The following CARS2 variants were observed in gnomAD, a reference collection of about 807,000 sequenced individuals.
CARS2 encodes cysteinyl-tRNA synthetase 2, mitochondrial, also known as probable cysteine--tRNA ligase, mitochondrial.
CARS2 carries 52 observed loss-of-function variants against 68.8 expected under a neutral mutation model. That is an observed-to-expected ratio of 0.76 (90% CI 0.61 to 0.95). CARS2 has a LOEUF of 0.95. CARS2 is among the 40% of genes least tolerant of loss of function. The probability of loss-of-function intolerance (pLI) is 0.00; values close to 1 mark genes in which losing one functional copy is unlikely to be tolerated. For missense variants in CARS2, 780 were observed against 754.2 expected, an observed-to-expected ratio of 1.03 and a Z score of -0.40; for synonymous variants, 314 against 303.6, an observed-to-expected ratio of 1.03 and a Z score of -0.36.
chr13:110,676,929 A>C lies in CARS2; in HGVS notation c.785+45T>G. ...TCCTCTGCTGCCCTGAGCAGGCACC[A>C]GGGGAACTTGAGCCCCAACCCCCAG... On this transcript the variant is annotated intron_variant, in intron 7 of 14. Coordinates refer to ENST00000257347, the MANE Select transcript of CARS2 (RefSeq NM_024537.4). The surrounding 1 kb of genome is among the most constrained non-coding windows in gnomAD (Gnocchi z 4.0). 1 of 1,492,182 alleles carries C rather than the reference A, an allele frequency of 6.7e-7. No homozygotes were observed. Among genetic ancestry groups the C allele is most frequent in the Non-Finnish European group, 9.0e-7 (1 of 1,115,648 alleles). 92.4% of individuals were successfully genotyped at this position (1,492,182 alleles called of 1,614,324 possible). A position where few individuals can be genotyped will look rare whatever the true frequency, so the allele number is the denominator to read the frequency against.
At chr13:110,649,236 C>G (rs1159720727) in intron 10 of CARS2, 1 of 152,264 alleles carries the variant, frequency 6.6e-6, no homozygotes, top group Non-Finnish European at 1.5e-5. Flanking sequence ...GAGCGCAGGT[C>G]CCCTGGGCCG....
rs201240343 is a variant in CARS2 at position 110,705,541 on chromosome 13, A to G, written c.255T>C (p.His85=). ...WYSCGPTVYD[H]AHLGHACSYV... ...CTCACCAAGCATGGCCAAGGTGCGC[A>G]TGATCATATACAGTTGGTCCACAGC... Residue 85 remains histidine (H), a synonymous_variant, in exon 2 of 15, where the codon CAT becomes CAC. Coordinates refer to ENST00000257347, the MANE Select transcript of CARS2 (RefSeq NM_024537.4). This position sits in a 1 kb window ranked among gnomAD's most constrained non-coding sequence, Gnocchi z 4.0. 3 of 1,610,444 alleles carry G rather than the reference A, an allele frequency of 1.9e-6. No homozygotes were observed. Among genetic ancestry groups the G allele is most frequent in the Non-Finnish European group, 2.5e-6 (3 of 1,178,218 alleles).
intron 8 of CARS2, 107 bp from the exon 9 acceptor site, chr13:110,663,625 G>A (rs1278157297): frequency 6.0e-6 from 9 of 1,507,042 alleles, no homozygotes; most frequent in Middle Eastern, 2.1e-4. Context: ...CATATCCAAT[G>A]TATAGACCAG....
upstream of CARS2, among the ~76,000 whole-genome samples, chr13:110,706,771 ACAC>A (rs2139951171): frequency 6.8e-6 from 1 of 146,230 alleles, no homozygotes; most frequent in South Asian, 2.2e-4. Flanking sequence ...ACCCCAGCAC[ACAC>A]ATCAGCATCC....
intron 10 of CARS2, 58 bp from the exon 11 acceptor site, chr13:110,647,297 G>A: frequency 6.4e-7 from 1 of 1,573,398 alleles, no homozygotes; most frequent in African/African-American, 1.3e-5. Context: ...CCCTGCCCTG[G>A]TCCAGCAGAA....
chr13:110,694,243 C>T (rs1400148907), intron 3 of CARS2, among the ~76,000 whole-genome samples: 1 of 150,156 alleles, frequency 6.7e-6, no homozygotes, highest in Non-Finnish European at 1.5e-5. Context: ...TTAGGCTGGT[C>T]TCAAACTCCT....
chr13:110,690,171 T>C (rs1368960027), intron 3 of CARS2, among the ~76,000 whole-genome samples: 1 of 152,098 alleles, frequency 6.6e-6, no homozygotes, highest in East Asian at 1.9e-4. Context: ...GAGGTTGCAG[T>C]GAGCCAACAC....
intron 13 of CARS2, chr13:110,642,840 C>T (rs774355646): frequency 9.2e-5 from 56 of 611,602 alleles, no homozygotes; most frequent in South Asian, 8.0e-4. Context: ...CCAGACCTCA[C>T]GCAATTGTGG....
chr13:110,708,570 T>C (rs925514864), upstream of CARS2, among the ~76,000 whole-genome samples: 2 of 148,230 alleles, frequency 1.3e-5, no homozygotes, highest in African/African-American at 2.6e-5. Flanking sequence ...TTCTATTATG[T>C]TTTCTTTTTT....
intron 3 of CARS2, among the ~76,000 whole-genome samples, chr13:110,693,729 G>A (rs767544707): frequency 1.2e-4 from 19 of 152,178 alleles, no homozygotes; most frequent in South Asian, 1.0e-3. Flanking sequence ...TCCTCATACC[G>A]GGGTAGTGCT....
At chr13:110,706,878 C>G (rs1362833404), upstream of CARS2, among the ~76,000 whole-genome samples, 1 of 151,176 alleles carries the variant, frequency 6.6e-6, no homozygotes, top group African/African-American at 2.4e-5. Flanking sequence ...CATCCCAACA[C>G]AGTGCACCCC....
intron 6 of CARS2, among the ~76,000 whole-genome samples, chr13:110,682,282 G>A (rs1406246122): frequency 6.6e-6 from 1 of 152,234 alleles, no homozygotes; most frequent in Non-Finnish European, 1.5e-5. Context: ...CTCCACATGT[G>A]TAAGCAAAGC....
rs528927750 is a variant in CARS2 at position 110,683,079 on chromosome 13, G to A, written c.627C>T (p.Gly209=). The change falls in exon 6 of 15, where the codon GGC becomes GGT. Residue 209 remains glycine, a synonymous_variant. Transcript: ENST00000257347. The part of the protein sequence containing the change: ...SRGDKYGKLV[G]VVPGPVGEPA... ...GCTCTCCGACTGGACCAGGGACCAC[G>A]CCGACCAATTTGCCATACTTGTCTC... is the stretch of plus-strand genomic sequence containing the variant. 8 of 1,601,846 alleles carry A rather than the reference G, an allele frequency of 5.0e-6. No individual in the cohort carries two copies. In the East Asian group the frequency reaches 1.4e-4, roughly 28 times the overall value.
At chr13:110,696,900 C>T (rs1414980215) in intron 3 of CARS2, among the ~76,000 whole-genome samples, 3 of 152,202 alleles carry the variant, frequency 2.0e-5, no homozygotes, top group Admixed American at 6.5e-5. Flanking sequence ...CTGATGGCAA[C>T]GTTCCTGCCC....
intron 3 of CARS2, among the ~76,000 whole-genome samples, chr13:110,690,456 T>A (rs756324882): frequency 3.3e-5 from 5 of 152,146 alleles, no homozygotes; most frequent in African/African-American, 4.8e-5. Flanking sequence ...CATTCCACAC[T>A]CTGCTCTGTG....
At chr13:110,710,325 T>G (rs1161539586), upstream of CARS2, among the ~76,000 whole-genome samples, 1 of 152,176 alleles carries the variant, frequency 6.6e-6, no homozygotes, top group African/African-American at 2.4e-5. Context: ...GAGGTTGCAG[T>G]GAGCTGAGAT....
chr13:110,653,814 AATG>A lies in CARS2; in HGVS notation c.988-2717_988-2715del, dbSNP rs1478645545. On this transcript the variant is annotated intron_variant, in intron 9 of 14. Coordinates refer to ENST00000257347, the MANE Select transcript of CARS2 (RefSeq NM_024537.4). The surrounding 1 kb of genome is among the most constrained non-coding windows in gnomAD (Gnocchi z 5.6). Reference sequence around the variant, plus strand: ...CTTCTTCATTACACAGTATTCTGACAATGATGTGAAAACTCTTGAATACTGTGG... The same window carrying A: ...CTTCTTCATTACACAGTATTCTGACAATGTGAAAACTCTTGAATACTGTGG... 6.6e-6 allele frequency among the ~76,000 whole-genome samples: 1 copy of A among 152,234 alleles called. No homozygotes were observed. The highest frequency in any genetic ancestry group is 1.5e-5 in the Non-Finnish European group (1 of 68,028).
chr13:110,676,837 G>A lies in CARS2; in HGVS notation c.785+137C>T. Reference sequence around the variant, plus strand: ...CCGTTCCATGGCCCGTCACACTCCGGCAAAAATCTCTTCCCAAAAAATCAC... The same window carrying A: ...CCGTTCCATGGCCCGTCACACTCCGACAAAAATCTCTTCCCAAAAAATCAC... On this transcript the variant is annotated intron_variant, in intron 7 of 14. Coordinates refer to ENST00000257347, the MANE Select transcript of CARS2 (RefSeq NM_024537.4). The surrounding 1 kb of genome is among the most constrained non-coding windows in gnomAD (Gnocchi z 4.0). 4 of 1,181,008 alleles carry A rather than the reference G, an allele frequency of 3.4e-6. No individual in the cohort carries two copies. The highest frequency in any genetic ancestry group is 1.1e-6 in the Non-Finnish European group (1 of 873,434). 73.2% of individuals were successfully genotyped at this position (1,181,008 alleles called of 1,614,324 possible).
chr13:110,679,705 A>G (rs941092039), intron 6 of CARS2, among the ~76,000 whole-genome samples: 2 of 149,958 alleles, frequency 1.3e-5, no homozygotes, highest in Non-Finnish European at 3.0e-5. Flanking sequence ...AAAGGGAAGA[A>G]AGAAAAGAGA....
Sources: allele counts gnomAD v4.1 joint callset (sites outside exome capture counted in the v4.1 genomes callset), GRCh38; gene constraint gnomAD v4.1.1; non-coding constraint Gnocchi (gnomAD v3.1); transcripts MANE v1.5; gene names NCBI Gene and HGNC (gene_info 2026-07-23, HGNC 2026-07-21).